TFDP2: variants seen among roughly 807,000 people sequenced by gnomAD.
TFDP2 encodes transcription factor Dp-2, also known as transcription factor Dp-2 (E2F dimerization partner 2).
A neutral mutation model predicts 59.3 loss-of-function variants in TFDP2; 17 were observed. The ratio of observed to expected loss-of-function variants is 0.29; its 90% CI spans 0.20 to 0.43. The LOEUF (loss-of-function observed/expected upper bound fraction) is 0.43. Among genes scored for constraint, TFDP2 ranks in the 20% least tolerant of loss-of-function variants. The probability of loss-of-function intolerance (pLI) is 1.00; values close to 1 mark genes in which losing one functional copy is unlikely to be tolerated. For missense variants in TFDP2, 391 were observed against 528.8 expected (o/e 0.74, Z 2.56); for synonymous variants, 180 against 194.7 (o/e 0.92, Z 0.63).
chr3:142,005,580 C>T, intron 3 of TFDP2, 36 bp from the exon 4 acceptor site: 2 of 1,484,714 alleles, frequency 1.3e-6, no homozygotes, highest in South Asian at 2.4e-5. Flanking sequence ...TAGTATTCTG[C>T]CATACCAAGG....
chr3:142,025,071 G>C (rs969134233), intron 3 of TFDP2, among the ~76,000 whole-genome samples: 2 of 151,970 alleles, frequency 1.3e-5, no homozygotes, highest in African/African-American at 4.8e-5. Flanking sequence ...ATTATGACTG[G>C]AAGTATTTAC....
intron 11 of TFDP2, among the ~76,000 whole-genome samples, chr3:141,959,383 C>CCT (rs1937080799): frequency 6.6e-6 from 1 of 152,126 alleles, no homozygotes; most frequent in South Asian, 2.1e-4. Flanking sequence ...AGGCTCTAAG[C>CCT]TAGGTACTGG....
At chr3:142,059,796 G>A (rs1289040185) in intron 3 of TFDP2, among the ~76,000 whole-genome samples, 4 of 152,058 alleles carry the variant, frequency 2.6e-5, no homozygotes, top group African/African-American at 9.7e-5. Context: ...TGGCCAGGCT[G>A]GTCTCAAACT....
chr3:141,965,824 A>G (rs1483108213), intron 9 of TFDP2, among the ~76,000 whole-genome samples: 1 of 151,962 alleles, frequency 6.6e-6, no homozygotes, highest in Non-Finnish European at 1.5e-5. Context: ...ACATTTCATT[A>G]TTTTCTGTTG....
At chr3:142,048,440 A>C (rs1384634064) in intron 3 of TFDP2, among the ~76,000 whole-genome samples, 1 of 152,096 alleles carries the variant, frequency 6.6e-6, no homozygotes, top group African/African-American at 2.4e-5. Flanking sequence ...AATCAAAAGA[A>C]GAGAAAAAAG....
chr3:142,079,618 TAAAGAAAGAATCCAA>T (rs1171685914), intron 3 of TFDP2, among the ~76,000 whole-genome samples: 2 of 151,728 alleles, frequency 1.3e-5, no homozygotes, highest in Non-Finnish European at 2.9e-5. Flanking sequence ...AGGTCAAAGA[TAAAGAAAGAATCCAA>T]AAAGCCCCAA....
At chr3:142,013,413 G>A (rs1000106562) in intron 3 of TFDP2, among the ~76,000 whole-genome samples, 2 of 152,152 alleles carry the variant, frequency 1.3e-5, no homozygotes, top group East Asian at 3.8e-4. Context: ...AGATTATAAA[G>A]ATTCAGTCAA....
chr3:142,000,931 C>G (rs1350532401), intron 4 of TFDP2, among the ~76,000 whole-genome samples: 1 of 152,184 alleles, frequency 6.6e-6, no homozygotes, highest in East Asian at 1.9e-4. Context: ...GGGGCCCCCA[C>G]CCCCATGACT....
At chr3:141,972,652 G>A (rs2901949) in intron 8 of TFDP2, among the ~76,000 whole-genome samples, 11,830 of 152,120 alleles carry the variant, frequency 0.078, 632 homozygotes, top group East Asian at 0.17. Flanking sequence ...TTATCTCCTT[G>A]GTAAAGCCCT....
At chr3:141,953,100 AG>A in intron 11 of TFDP2, 84 bp from the exon 12 acceptor site, 5 of 923,518 alleles carry the variant, frequency 5.4e-6, no homozygotes, top group Non-Finnish European at 8.7e-6. Flanking sequence ...AGCACAGAAA[AG>A]CAAGAGCTAA....
Position 141,978,605 on chromosome 3 carries a change from C to T in TFDP2, c.434G>A (p.Arg145Gln), listed in dbSNP as rs1576550478. 8.1e-6 allele frequency: 13 copies of T among 1,613,656 alleles called. No homozygotes were observed. Among genetic ancestry groups the T allele is most frequent in the African/African-American group, 1.3e-5 (1 of 74,916 alleles). ...TTCATTGTACGATGTTGTACCTTTTCGTTGAACTTTCTCACACACTTTCAT... is the reference window on the plus strand; with the variant it reads ...TTCATTGTACGATGTTGTACCTTTTTGTTGAACTTTCTCACACACTTTCAT... ...FSMKVCEKVQ[R>Q]KGTTSYNEVA... Residue 145 changes from arginine to glutamine, a missense_variant, in exon 7 of 13, where the codon CGA (arginine) becomes CAA (glutamine). Physicochemically the swap from Arg to Gln is conservative, Grantham distance 43. Coordinates refer to ENST00000489671, the MANE Select transcript of TFDP2 (RefSeq NM_001178139.2).
At chr3:141,998,828 C>T (rs1576638725) in intron 4 of TFDP2, among the ~76,000 whole-genome samples, 2 of 152,108 alleles carry the variant, frequency 1.3e-5, no homozygotes, top group East Asian at 3.9e-4. Flanking sequence ...TTACTCTGAA[C>T]ATTTTCCTGC....
At chr3:142,085,577 T>C (rs2060787288) in intron 3 of TFDP2, among the ~76,000 whole-genome samples, 1 of 152,202 alleles carries the variant, frequency 6.6e-6, no homozygotes, top group South Asian at 2.1e-4. Context: ...TTGTATTTTT[T>C]AATGAGCATT....
chr3:142,092,864 A>C (rs1035483277), intron 3 of TFDP2, among the ~76,000 whole-genome samples, 197 bp downstream of exon 3: 1 of 152,340 alleles, frequency 6.6e-6, no homozygotes, highest in East Asian at 1.9e-4. Context: ...CTCTTAGGAA[A>C]GAGAAAAATC....
At chr3:142,097,661 G>T (rs2061202003) in intron 2 of TFDP2, among the ~76,000 whole-genome samples, 1 of 152,014 alleles carries the variant, frequency 6.6e-6, no homozygotes, top group African/African-American at 2.4e-5. Flanking sequence ...CTCCAGCCGG[G>T]GCAACAGAGC....
chr3:141,978,520 C>A lies in TFDP2; in HGVS notation c.519G>T (p.Ser173=). Residue 173 remains serine (S), a splice_region_variant and synonymous_variant, in exon 7 of 13, where the codon TCG becomes TCT. Transcript: ENST00000489671. ...AATGTCAGGTTCATGATTTACATACCGAATCAGCAGCCAAATGGTTATTTG... is the reference window on the plus strand; with the variant it reads ...AATGTCAGGTTCATGATTTACATACAGAATCAGCAGCCAAATGGTTATTTG... ...TNSNNHLAAD[S]AYDQKNIRRR... The A allele has an allele frequency of 6.2e-7, 1 of 1,604,894 alleles. No individual in the cohort carries two copies.
chr3:142,019,589 T>C (rs904370641), intron 3 of TFDP2, among the ~76,000 whole-genome samples: 2 of 152,206 alleles, frequency 1.3e-5, no homozygotes, highest in South Asian at 4.1e-4. Flanking sequence ...CAGTTGGATA[T>C]GCTGTTCTTA....
chr3:141,962,390 G>A (rs1937475611), intron 10 of TFDP2, among the ~76,000 whole-genome samples: 1 of 150,800 alleles, frequency 6.6e-6, no homozygotes, highest in Non-Finnish European at 1.5e-5. Flanking sequence ...ACAGAGTCTT[G>A]CTCTGTCGTC....
chr3:142,062,410 T>G (rs2059950636), intron 3 of TFDP2, among the ~76,000 whole-genome samples: 1 of 149,108 alleles, frequency 6.7e-6, no homozygotes, highest in African/African-American at 2.5e-5. Flanking sequence ...TATGTGTGTG[T>G]GTGTGTGTGT....
Sources: allele counts gnomAD v4.1 joint callset (sites outside exome capture counted in the v4.1 genomes callset), GRCh38; gene constraint gnomAD v4.1.1; transcripts MANE v1.5; gene names NCBI Gene and HGNC (gene_info 2026-07-23, HGNC 2026-07-21).